Variants in TELO2 observed in about 807,000 individuals in gnomAD.
TELO2 encodes the protein telomere length regulation protein TEL2 homolog.
Under a neutral mutation model 91.0 loss-of-function variants are expected in TELO2, and 71 were observed. That is an observed-to-expected ratio of 0.78 (90% CI 0.64 to 0.95). The LOEUF is 0.95. Among genes scored for constraint, TELO2 ranks in the 40% least tolerant of loss-of-function variants. The probability of loss-of-function intolerance (pLI) is 0.00; values close to 1 mark genes in which losing one functional copy is unlikely to be tolerated. For synonymous variants in TELO2, 584 were observed against 518.9 expected, an observed-to-expected ratio of 1.13 and a Z score of -1.71; for missense variants, 1,183 against 1,141.3, an observed-to-expected ratio of 1.04 and a Z score of -0.53.
In TELO2 at chr16:1,507,306, G is replaced by A; in HGVS notation, c.2227G>A (p.Val743Met). The change falls in exon 19 of 21, where the codon GTG becomes ATG. Residue 743 changes from valine (V) to methionine (M), a missense_variant and splice_region_variant. Transcript: ENST00000262319. ...ALMCLAVNTT[V>M]AVAMGKALLE... ...TGACTGTCCCTCTGCTGGTGTCCAGGTGGCTGTGGCCATGGGCAAGGCCCT... is the reference window on the plus strand; with the variant it reads ...TGACTGTCCCTCTGCTGGTGTCCAGATGGCTGTGGCCATGGGCAAGGCCCT... The A allele has an allele frequency of 6.2e-7, 1 of 1,608,966 alleles. No homozygotes were observed. Among genetic ancestry groups the A allele is most frequent in the Non-Finnish European group, 8.5e-7 (1 of 1,179,896 alleles).
At chr16:1,498,361 C>T (rs537020335) in intron 5 of TELO2, among the ~76,000 whole-genome samples, 1 of 152,276 alleles carries the variant, frequency 6.6e-6, no homozygotes, top group East Asian at 1.9e-4. Flanking sequence ...GTGTTTAAGG[C>T]ATTTGTATTC....
At chr16:1,501,322 G>A in intron 9 of TELO2, 98 bp from the exon 10 acceptor site, 1 of 1,325,878 alleles carries the variant, frequency 7.5e-7, no homozygotes, top group East Asian at 2.5e-5. Flanking sequence ...AGACCGGGCT[G>A]CGAGGGAGGC....
intron 20 of TELO2, 59 bp downstream of exon 20, chr16:1,507,775 T>G: frequency 8.1e-7 from 1 of 1,242,234 alleles, no homozygotes; most frequent in Middle Eastern, 2.3e-4. Context: ...TGTGTGTGTA[T>G]GTGTGTGTGT....
At chr16:1,506,612 C>G in intron 17 of TELO2, 2 of 1,390,670 alleles carry the variant, frequency 1.4e-6, no homozygotes, top group Admixed American at 6.0e-5. Context: ...CCTGCTGGGC[C>G]CTGCTCGCCT....
chr16:1,505,746 G>C lies in TELO2; in HGVS notation c.2034+145G>C. 1 of 1,148,522 alleles carries C rather than the reference G, an allele frequency of 8.7e-7. No homozygotes were observed. The highest frequency in any genetic ancestry group is 1.2e-6 in the Non-Finnish European group (1 of 829,464). 71.1% of individuals were successfully genotyped at this position (1,148,522 alleles called of 1,614,324 possible). ...CCTTTGCCGGGATTCCTGAAAGGCAGGGTCCATGGTTTGCACCGAGGAACT... is the reference window on the plus strand; with the variant it reads ...CCTTTGCCGGGATTCCTGAAAGGCACGGTCCATGGTTTGCACCGAGGAACT... On this transcript the variant is annotated intron_variant, in intron 16 of 20. Coordinates refer to ENST00000262319, the MANE Select transcript of TELO2 (RefSeq NM_016111.4). This position sits in a 1 kb window ranked among gnomAD's most constrained non-coding sequence, Gnocchi z 4.3.
chr16:1,501,493 A>C lies in TELO2; in HGVS notation c.1355A>C (p.Glu452Ala), dbSNP rs1013817016. ...SPQPAGDGAS[E>A]AGTSLVPATA... ...CAGCCTGCGGGTGACGGCGCCTCGG[A>C]GGCGGGGTGAGGGTCTCTGCCCCCC... The change falls in exon 10 of 21, where the codon GAG (glutamate) becomes GCG (alanine). Residue 452 changes from glutamate to alanine, a missense_variant. Coordinates refer to ENST00000262319, the MANE Select transcript of TELO2 (RefSeq NM_016111.4). 7.5e-6 allele frequency: 12 copies of C among 1,608,004 alleles called. No individual in the cohort carries two copies. Among genetic ancestry groups the C allele is most frequent in the Non-Finnish European group, 1.0e-5 (12 of 1,177,348 alleles).
chr16:1,501,814 C>A (rs200199279), intron 11 of TELO2, 41 bp downstream of exon 11: 1 of 1,582,132 alleles, frequency 6.3e-7, no homozygotes, highest in East Asian at 2.2e-5. Context: ...TGCAGGAGGC[C>A]GGGAGGCGAA....
Position 1,507,370 on chromosome 16 carries a change from C to G in TELO2, c.2291C>G (p.Ala764Gly), listed in dbSNP as rs373396722. 4 of 1,610,426 alleles carry G rather than the reference C, an allele frequency of 2.5e-6. No individual in the cohort carries two copies. Among genetic ancestry groups the G allele is most frequent in the South Asian group, 1.1e-5 (1 of 91,036 alleles). ...TGGGCCCTTCGCTTCCACATCGATG[C>G]GTGAGTGGCCTGTGGGGCTGGGCCA... is the stretch of plus-strand genomic sequence containing the variant. ...FVWALRFHID[A>G]YVRQGLLSAV... The change falls in exon 19 of 21, where the codon GCC (alanine) becomes GGC (glycine). Residue 764 changes from alanine (A) to glycine (G), a missense_variant and splice_region_variant. Coordinates refer to ENST00000262319, the MANE Select transcript of TELO2 (RefSeq NM_016111.4).
In TELO2 at chr16:1,502,065, C is replaced by T; in HGVS notation, c.1491C>T (p.Pro497=). 1 of 1,613,324 alleles carries T rather than the reference C, an allele frequency of 6.2e-7. No individual in the cohort carries two copies. Among genetic ancestry groups the T allele is most frequent in the Non-Finnish European group, 8.5e-7 (1 of 1,179,974 alleles). Residue 497 remains proline (P), a synonymous_variant, in exon 12 of 21, where the codon CCC becomes CCT. Transcript: ENST00000262319. The part of the protein sequence containing the change: ...SDLDSDDEFV[P]YDMSGDRELK... Reference sequence around the variant, plus strand: ...CCCACAGCGATGATGAGTTTGTCCCCTACGACATGTCGGGGGACAGAGAGC... The same window carrying T: ...CCCACAGCGATGATGAGTTTGTCCCTTACGACATGTCGGGGGACAGAGAGC...
intron 20 of TELO2, 114 bp from the exon 21 acceptor site, chr16:1,509,716 C>T (rs1278552821): frequency 2.0e-6 from 2 of 979,424 alleles, no homozygotes; most frequent in African/African-American, 3.3e-5. Flanking sequence ...CCCGAGCCCC[C>T]TTTCTTCCAT....
In TELO2 at chr16:1,502,971, A is replaced by G; in HGVS notation, c.1811A>G (p.Tyr604Cys). Residue 604 changes from tyrosine to cysteine, a missense_variant, in exon 15 of 21, where the codon TAC (tyrosine) becomes TGC (cysteine). By Grantham distance (194) the Tyr-to-Cys change is radical (BLOSUM62 -2). Coordinates refer to ENST00000262319, the MANE Select transcript of TELO2 (RefSeq NM_016111.4). ...ACCTCACAGTTCTATGCCCTCAACT[A>G]CAGCCTCCGGCAGCGCATGGACATC... ...YLTSQFYALN[Y>C]SLRQRMDILD... 2 of 1,611,234 alleles carry G rather than the reference A, an allele frequency of 1.2e-6. No individual in the cohort carries two copies. The highest frequency in any genetic ancestry group is 1.7e-6 in the Non-Finnish European group (2 of 1,179,900).
chr16:1,500,841 T>A, intron 9 of TELO2, 142 bp downstream of exon 9: 2 of 1,371,180 alleles, frequency 1.5e-6, no homozygotes, highest in African/African-American at 1.4e-5. Flanking sequence ...GGGCTGAGGC[T>A]GGAAGCTGTG....
In TELO2 at chr16:1,497,906, C is replaced by T. The variant is rs543480811; in HGVS notation, c.830+398C>T. Among the ~76,000 whole-genome samples, 16 of 152,162 alleles carry T rather than the reference C, an allele frequency of 1.1e-4. No individual in the cohort carries two copies. The highest frequency in any genetic ancestry group is 2.2e-4 in the African/African-American group (9 of 41,522). On this transcript the variant is annotated intron_variant, in intron 5 of 20. Coordinates refer to ENST00000262319, the MANE Select transcript of TELO2 (RefSeq NM_016111.4). This position sits in a 1 kb window ranked among gnomAD's most constrained non-coding sequence, Gnocchi z 4.0. ...GTTGCATTTCTGGAAGCAGGACTGC[C>T]GGCCATTTACCCCCACAAACCCTGC...
intron 6 of TELO2, 43 bp downstream of exon 6, chr16:1,499,376 A>G (rs1205420689): frequency 1.3e-6 from 2 of 1,598,370 alleles, no homozygotes; most frequent in East Asian, 2.2e-5. Flanking sequence ...CTGCCCCATC[A>G]CAGCAAGAAT....
intron 15 of TELO2, 53 bp downstream of exon 15, chr16:1,503,055 G>A (rs2039764097): frequency 6.3e-7 from 1 of 1,595,300 alleles, no homozygotes; most frequent in South Asian, 1.1e-5. Context: ...CTGCCCTAAG[G>A]TGGGGCTGCC....
chr16:1,495,631 C>T lies in TELO2; in HGVS notation c.613+8C>T, dbSNP rs763424046. On this transcript the variant is annotated splice_region_variant and intron_variant, in intron 3 of 20. Coordinates refer to ENST00000262319, the MANE Select transcript of TELO2 (RefSeq NM_016111.4). ...TTGTGGACTCTCTCCAAGGTGAGGC[C>T]CTGCCTCGGGGACCCCCTTTGCCAC... 5 of 1,577,330 alleles carry T rather than the reference C, an allele frequency of 3.2e-6. No homozygotes were observed. The highest frequency in any genetic ancestry group is 2.3e-5 in the East Asian group (1 of 44,108).
intron 18 of TELO2, 120 bp downstream of exon 18, chr16:1,507,171 G>C (rs761141566): frequency 1.7e-5 from 25 of 1,482,558 alleles, no homozygotes; most frequent in Non-Finnish European, 2.0e-5. Flanking sequence ...GTGGGCCCCC[G>C]GGCAGCGGGA....
rs1596252052 is a variant in TELO2 at position 1,496,939 on chromosome 16, T to A, written c.614-97T>A. 2.4e-6 allele frequency: 3 copies of A among 1,251,616 alleles called. No individual in the cohort carries two copies. The African/African-American group carries it at 4.5e-5, about 19-fold the overall frequency. The allele number at this position is 1,251,616 out of a possible 1,614,324, so 77.5% of individuals were successfully genotyped here. On this transcript the variant is annotated intron_variant, in intron 3 of 20. Coordinates refer to ENST00000262319, the MANE Select transcript of TELO2 (RefSeq NM_016111.4). The stretch of plus-strand genomic sequence containing the variant: ...TGTTTTGAGTGAGTTTTGCTGTCGG[T>A]TGGAGTCCGCCTGACCGAGAGCAGC...
chr16:1,502,788 C>T, intron 14 of TELO2, 27 bp downstream of exon 14: 2 of 1,608,264 alleles, frequency 1.2e-6, no homozygotes. Context: ...GTGGCCCTGG[C>T]CAGTGCAGGC....
Sources: gnomAD v4.1 joint callset for allele counts (sites outside exome capture counted in the v4.1 genomes callset) on GRCh38, gnomAD v4.1.1 for gene constraint, Gnocchi (gnomAD v3.1) non-coding constraint, MANE v1.5 for transcripts, NCBI Gene and HGNC (gene_info 2026-07-23, HGNC 2026-07-21) for gene names.